KCNH1: variants seen among roughly 807,000 people sequenced by gnomAD.
KCNH1 encodes the protein potassium voltage-gated channel subfamily H member 1, also known as voltage-gated delayed rectifier potassium channel KCNH1.
A neutral mutation model predicts 69.2 loss-of-function variants in KCNH1; 27 were observed. The observed-to-expected ratio is 0.39, with a 90% confidence interval of 0.29 to 0.54. The LOEUF is 0.54. Ranked by LOEUF, KCNH1 falls within the 20% of genes least tolerant of loss-of-function variation. The probability of loss-of-function intolerance (pLI) is 0.68; values close to 1 mark genes in which losing one functional copy is unlikely to be tolerated. For missense variants in KCNH1, 798 were observed against 1,261.6 expected (o/e 0.63, Z 5.57); for synonymous variants, 456 against 487.7 (o/e 0.93, Z 0.86).
chr1:210,875,787 A>G (rs1686362015), intron 7 of KCNH1, among the ~76,000 whole-genome samples: 1 of 148,990 alleles, frequency 6.7e-6, no homozygotes, highest in South Asian at 2.1e-4. Flanking sequence ...TGGGCTACAG[A>G]GCAAGACACT....
chr1:210,814,775 G>A (rs149075954), intron 7 of KCNH1, among the ~76,000 whole-genome samples: 38 of 152,284 alleles, frequency 2.5e-4, no homozygotes, highest in African/African-American at 8.7e-4. Context: ...GAACCACCCA[G>A]TGTTCATATT....
At chr1:210,900,300 C>T (rs748954192) in intron 7 of KCNH1, among the ~76,000 whole-genome samples, 22 of 152,200 alleles carry the variant, frequency 1.4e-4, no homozygotes, top group African/African-American at 4.3e-4. Context: ...AAATCATCCC[C>T]GGTGCTCCTA....
chr1:210,901,508 G>A (rs1686995030), intron 7 of KCNH1, among the ~76,000 whole-genome samples: 1 of 152,166 alleles, frequency 6.6e-6, no homozygotes, highest in Non-Finnish European at 1.5e-5. Context: ...TCAAAATCAG[G>A]AGGCTCTGCA....
intron 6 of KCNH1, among the ~76,000 whole-genome samples, chr1:210,970,701 G>A (rs913604838): frequency 1.3e-5 from 2 of 152,058 alleles, no homozygotes; most frequent in African/African-American, 4.8e-5. Flanking sequence ...AGAAAACTTA[G>A]GCAATACCAT....
At chr1:211,042,550 A>G (rs544280051) in intron 5 of KCNH1, among the ~76,000 whole-genome samples, 72 of 152,236 alleles carry the variant, frequency 4.7e-4, no homozygotes, top group Non-Finnish European at 9.1e-4. Flanking sequence ...TGACAGCACT[A>G]GACAGGTCAT....
At chr1:210,976,810 G>A (rs1240145398) in intron 6 of KCNH1, among the ~76,000 whole-genome samples, 2 of 149,262 alleles carry the variant, frequency 1.3e-5, no homozygotes, top group Admixed American at 6.7e-5. Context: ...GAAACAACAG[G>A]TGCTGGAGAG....
At chr1:210,912,690 T>C (rs1687258569) in intron 7 of KCNH1, among the ~76,000 whole-genome samples, 1 of 152,006 alleles carries the variant, frequency 6.6e-6, no homozygotes, top group South Asian at 2.1e-4. Flanking sequence ...CACTTTGTTT[T>C]TGCATCCCCA....
chr1:211,080,540 A>G (rs1043174456), intron 5 of KCNH1, among the ~76,000 whole-genome samples: 1 of 152,208 alleles, frequency 6.6e-6, no homozygotes, highest in Non-Finnish European at 1.5e-5. Flanking sequence ...ACAAAGCTGG[A>G]GGCATCATGC....
Position 210,683,893 on chromosome 1 carries a change from G to A in KCNH1, c.2358C>T (p.Ser786=), listed in dbSNP as rs369836518. 18 of 1,613,672 alleles carry A rather than the reference G, an allele frequency of 1.1e-5. No homozygotes were observed. The highest frequency in any genetic ancestry group is 1.7e-5 in the Admixed American group (1 of 60,002). Residue 786 remains serine (S), a synonymous_variant, in exon 11 of 11, where the codon AGC becomes AGT. Coordinates refer to ENST00000271751, the MANE Select transcript of KCNH1 (RefSeq NM_172362.3). The surrounding 1 kb of genome is among the most constrained non-coding windows in gnomAD (Gnocchi z 5.7). The stretch of plus-strand genomic sequence containing the variant: ...CAGGACTCTCACGCACGGTGACCAC[G>A]CTGGCCTTCACGAGGCTGTGGTTGG... ...ASANHSLVKA[S]VVTVRESPAT...
At position 210,860,528 on chromosome 1, in the gene KCNH1, C is replaced by T. The variant is rs530755827; in HGVS notation, c.1463-56362G>A. ...TGGATTACTTGGCTAAATGTCATTGCCAACTGTTGTGTCATTTCTACTGCA... is the reference window on the plus strand; with the variant it reads ...TGGATTACTTGGCTAAATGTCATTGTCAACTGTTGTGTCATTTCTACTGCA... On this transcript the variant is annotated intron_variant, in intron 7 of 10. Transcript: ENST00000271751. 166 of 848,200 alleles carry T rather than the reference C, an allele frequency of 2.0e-4. 1 individual carries two copies. The African/African-American group carries it at 2.6e-3, about 13-fold the overall frequency. The allele number at this position is 848,200 out of a possible 1,614,324, so 52.5% of individuals were successfully genotyped here. A position where few individuals can be genotyped will look rare whatever the true frequency, so the allele number is the denominator to read the frequency against.
chr1:211,031,052 C>T (rs898366942), intron 5 of KCNH1, among the ~76,000 whole-genome samples: 1 of 152,002 alleles, frequency 6.6e-6, no homozygotes, highest in Admixed American at 6.6e-5. Flanking sequence ...TACTACACAC[C>T]TATTAAAATG....
intron 10 of KCNH1, among the ~76,000 whole-genome samples, chr1:210,750,681 A>G (rs1683262879): frequency 6.6e-6 from 1 of 152,034 alleles, no homozygotes; most frequent in Admixed American, 6.6e-5. Flanking sequence ...CAAAAGATAA[A>G]GATAGGAATT....
chr1:211,049,441 C>G (rs1246427319), intron 5 of KCNH1, among the ~76,000 whole-genome samples: 2 of 152,140 alleles, frequency 1.3e-5, no homozygotes, highest in Non-Finnish European at 2.9e-5. Flanking sequence ...CAAGAGCTTA[C>G]TTGACAGGAA....
intron 5 of KCNH1, among the ~76,000 whole-genome samples, chr1:211,051,055 T>C: frequency 6.6e-6 from 1 of 151,988 alleles, no homozygotes; most frequent in Non-Finnish European, 1.5e-5. Flanking sequence ...TGGAGTGCAG[T>C]GGCACAATCT....
At chr1:210,960,992 T>C (rs373728556) in intron 6 of KCNH1, among the ~76,000 whole-genome samples, 2 of 152,214 alleles carry the variant, frequency 1.3e-5, no homozygotes, top group African/African-American at 4.8e-5. Flanking sequence ...GATAACTAAT[T>C]GATGCTGAGC....
chr1:211,056,799 G>T (rs1690318042), intron 5 of KCNH1, among the ~76,000 whole-genome samples: 1 of 152,186 alleles, frequency 6.6e-6, no homozygotes, highest in African/African-American at 2.4e-5. Flanking sequence ...CACCAAGGTG[G>T]TACCTCTACG....
chr1:211,074,747 G>T (rs1272681212), intron 5 of KCNH1, among the ~76,000 whole-genome samples: 2 of 152,162 alleles, frequency 1.3e-5, no homozygotes, highest in Non-Finnish European at 2.9e-5. Flanking sequence ...TCTGTAATCT[G>T]AATGGGCCTC....
At chr1:210,873,186 T>C (rs937912117) in intron 7 of KCNH1, among the ~76,000 whole-genome samples, 1 of 152,184 alleles carries the variant, frequency 6.6e-6, no homozygotes, top group Non-Finnish European at 1.5e-5. Flanking sequence ...TTCATTCCCA[T>C]GCAATGGTCT....
In KCNH1 at chr1:210,860,720, G is replaced by A. The variant is rs888668838; in HGVS notation, c.1463-56554C>T. On this transcript the variant is annotated intron_variant, in intron 7 of 10. Transcript: ENST00000271751. ...TCTTGATTGCTGATAAATACTTGAA[G>A]GACAATGGCAGCTTCCACTTTCACA... 7 of 779,056 alleles carry A rather than the reference G, an allele frequency of 9.0e-6. No homozygotes were observed. In the African/African-American group the frequency reaches 1.0e-4, roughly 11 times the overall value. 48.3% of individuals were successfully genotyped at this position (779,056 alleles called of 1,614,324 possible).
Sources: allele counts gnomAD v4.1 joint callset (sites outside exome capture counted in the v4.1 genomes callset), GRCh38; gene constraint gnomAD v4.1.1; non-coding constraint Gnocchi (gnomAD v3.1); transcripts MANE v1.5; gene names NCBI Gene and HGNC (gene_info 2026-07-23, HGNC 2026-07-21).